Variants in CADPS2 observed in about 807,000 individuals in gnomAD.
CADPS2 encodes calcium dependent secretion activator 2, also known as calcium-dependent secretion activator 2.
A neutral mutation model predicts 172.5 loss-of-function variants in CADPS2; 93 were observed. That is an observed-to-expected ratio of 0.54 (90% CI 0.46 to 0.64). The LOEUF is 0.64. Ranked by LOEUF, CADPS2 falls within the 30% of genes least tolerant of loss-of-function variation. The pLI is 0.00. For missense variants in CADPS2, 1,420 were observed against 1,565.9 expected (o/e 0.91, Z 1.57); for synonymous variants, 546 against 555.2 (o/e 0.98, Z 0.23).
chr7:122,646,190 G>A (rs1477017109), intron 3 of CADPS2, among the ~76,000 whole-genome samples: 1 of 152,030 alleles, frequency 6.6e-6, no homozygotes, highest in East Asian at 1.9e-4. Flanking sequence ...GAACCTCAGA[G>A]CCATGTCTCG....
chr7:122,497,294 A>T (rs965347121), intron 9 of CADPS2, among the ~76,000 whole-genome samples: 14 of 152,174 alleles, frequency 9.2e-5, no homozygotes, highest in African/African-American at 3.1e-4. Flanking sequence ...TATTTTAAAG[A>T]CAAGCTATAT....
At chr7:122,759,572 G>C (rs549285047) in intron 1 of CADPS2, among the ~76,000 whole-genome samples, 5 of 152,160 alleles carry the variant, frequency 3.3e-5, no homozygotes, top group Non-Finnish European at 5.9e-5. Flanking sequence ...AGAAAAAAAG[G>C]CTTTTGAATC....
At chr7:122,472,482 G>GTTT (rs1419202268) in intron 13 of CADPS2, among the ~76,000 whole-genome samples, 1 of 152,116 alleles carries the variant, frequency 6.6e-6, no homozygotes. Context: ...CTGCAAATCA[G>GTTT]TTGTTGAGCC....
intron 1 of CADPS2, among the ~76,000 whole-genome samples, chr7:122,796,213 CACAA>C (rs1405915939): frequency 2.0e-5 from 3 of 152,234 alleles, no homozygotes; most frequent in South Asian, 2.1e-4. Context: ...TCAGAGATGA[CACAA>C]ACAAATAGGA....
At chr7:122,790,237 AAAATTTTAAAAATT>A (rs1794991731) in intron 1 of CADPS2, among the ~76,000 whole-genome samples, 1 of 151,764 alleles carries the variant, frequency 6.6e-6, no homozygotes, top group Non-Finnish European at 1.5e-5. Flanking sequence ...TGTCTACAGA[AAAATTTTAAAAATT>A]AGCCAGGTGC....
intron 8 of CADPS2, among the ~76,000 whole-genome samples, chr7:122,539,579 C>T (rs145644254): frequency 2.6e-4 from 40 of 152,172 alleles, no homozygotes; most frequent in Non-Finnish European, 4.7e-4. Context: ...GTATTCAATG[C>T]TCTGTGCTCC....
intron 2 of CADPS2, among the ~76,000 whole-genome samples, chr7:122,705,575 A>G (rs1588586749): frequency 8.7e-6 from 1 of 114,522 alleles, no homozygotes; most frequent in South Asian, 2.4e-4. Context: ...TATTATCTAT[A>G]TTATATATTA....
intron 1 of CADPS2, among the ~76,000 whole-genome samples, chr7:122,745,985 T>G (rs769075617): frequency 1.3e-5 from 2 of 152,152 alleles, no homozygotes; most frequent in Non-Finnish European, 2.9e-5. Context: ...CCCCTACAAG[T>G]TGTAGGGTCT....
chr7:122,337,999 A>G (rs1297762189), intron 28 of CADPS2, among the ~76,000 whole-genome samples: 4 of 152,242 alleles, frequency 2.6e-5, no homozygotes, highest in Non-Finnish European at 5.9e-5. Context: ...TGTGAGATGA[A>G]TAAGACACTG....
At chr7:122,433,968 T>C (rs1157034494) in intron 17 of CADPS2, among the ~76,000 whole-genome samples, 1 of 152,164 alleles carries the variant, frequency 6.6e-6, no homozygotes, top group Non-Finnish European at 1.5e-5. Context: ...GGAAGAAGCA[T>C]AGCTTCTGGA....
chr7:122,496,966 T>C (rs1314952645), intron 9 of CADPS2, among the ~76,000 whole-genome samples: 2 of 152,164 alleles, frequency 1.3e-5, no homozygotes, highest in Non-Finnish European at 2.9e-5. Context: ...CTCTTAAATG[T>C]CTATATATTT....
At chr7:122,689,172 C>A (rs542473453) in intron 2 of CADPS2, among the ~76,000 whole-genome samples, 2 of 152,230 alleles carry the variant, frequency 1.3e-5, no homozygotes, top group South Asian at 4.1e-4. Context: ...CCCAGAGATG[C>A]CCACCATCTC....
At chr7:122,753,574 A>C (rs535599452) in intron 1 of CADPS2, among the ~76,000 whole-genome samples, 1 of 152,188 alleles carries the variant, frequency 6.6e-6, no homozygotes, top group Non-Finnish European at 1.5e-5. Context: ...GGAAAAGTAC[A>C]CCTCATTTTC....
chr7:122,413,643 C>A (rs527553369), intron 19 of CADPS2, among the ~76,000 whole-genome samples: 1 of 152,294 alleles, frequency 6.6e-6, no homozygotes, highest in African/African-American at 2.4e-5. Flanking sequence ...CAAAGGAACT[C>A]TAGCTTGAAC....
intron 2 of CADPS2, among the ~76,000 whole-genome samples, chr7:122,722,929 A>G (rs908466407): frequency 6.6e-6 from 1 of 152,104 alleles, no homozygotes; most frequent in African/African-American, 2.4e-5. Context: ...AGCAATGGGT[A>G]AACGATTCCC....
At chr7:122,563,893 A>G (rs2066071401) in intron 7 of CADPS2, among the ~76,000 whole-genome samples, 1 of 152,176 alleles carries the variant, frequency 6.6e-6, no homozygotes, top group African/African-American at 2.4e-5. Flanking sequence ...CTGAAAATCC[A>G]AAATCAGAAA....
intron 4 of CADPS2, among the ~76,000 whole-genome samples, chr7:122,627,652 A>G (rs1313058973): frequency 6.6e-6 from 1 of 152,102 alleles, no homozygotes; most frequent in East Asian, 1.9e-4. Flanking sequence ...CTAGAAAATC[A>G]CTTAAACTTT....
At chr7:122,753,824 C>A (rs924745905) in intron 1 of CADPS2, among the ~76,000 whole-genome samples, 1 of 152,142 alleles carries the variant, frequency 6.6e-6, no homozygotes, top group Non-Finnish European at 1.5e-5. Flanking sequence ...TACTCACCCA[C>A]TGGGGTGTTG....
At chr7:122,576,697 A>AG (rs1337592264) in intron 7 of CADPS2, among the ~76,000 whole-genome samples, 1 of 152,054 alleles carries the variant, frequency 6.6e-6, no homozygotes, top group Non-Finnish European at 1.5e-5. Context: ...GGGAGAGACC[A>AG]GGTGGAGGTA....
Sources: allele counts gnomAD v4.1 joint callset (sites outside exome capture counted in the v4.1 genomes callset), GRCh38; gene constraint gnomAD v4.1.1; transcripts MANE v1.5; gene names NCBI Gene and HGNC (gene_info 2026-07-23, HGNC 2026-07-21).